Variants in SRPK2 observed in about 807,000 individuals in gnomAD.
SRPK2 encodes SFRS protein kinase 2.
A neutral mutation model predicts 90.8 loss-of-function variants in SRPK2; 21 were observed. The observed-to-expected ratio is 0.23, with a 90% CI of 0.16 to 0.33. The LOEUF (loss-of-function observed/expected upper bound fraction) is 0.33, where lower values mean the gene tolerates loss of function less well. Among genes scored for constraint, SRPK2 ranks in the 10% least tolerant of loss-of-function variants. The pLI is 1.00. For synonymous variants in SRPK2, 288 were observed against 311.1 expected (o/e 0.93, Z 0.78); for missense variants, 620 against 869.0 (o/e 0.71, Z 3.60).
chr7:105,345,091 G>T (rs1016422370), intron 2 of SRPK2, among the ~76,000 whole-genome samples: 1 of 150,426 alleles, frequency 6.6e-6, no homozygotes, highest in African/African-American at 2.4e-5. Context: ...AGCCAAGATC[G>T]CACCATTGCA....
rs150998568 is a variant in SRPK2 at position 105,344,149 on chromosome 7, T to C, written c.71+44499A>G. Among the ~76,000 whole-genome samples the C allele has an allele frequency of 9.0e-3, 1,368 of 152,244 alleles. 11 individuals carry two copies. Among genetic ancestry groups the C allele is most frequent in the Non-Finnish European group, 0.014 (974 of 68,010 alleles). ...TCTGCAAAAAGGAAAATGGTGAACC[T>C]TACAAAACCATAAGGCTTTGTAAGC... On this transcript the variant is annotated intron_variant, in intron 2 of 15. Coordinates refer to ENST00000393651, the MANE Select transcript of SRPK2 (RefSeq NM_182692.3).
At chr7:105,316,297 C>T (rs1812303840) in intron 2 of SRPK2, among the ~76,000 whole-genome samples, 1 of 152,150 alleles carries the variant, frequency 6.6e-6, no homozygotes, top group Non-Finnish European at 1.5e-5. Flanking sequence ...TGCCTTTTAA[C>T]TTGAAGAAAA....
chr7:105,282,177 A>G (rs12537196), intron 2 of SRPK2, among the ~76,000 whole-genome samples: 65,852 of 152,024 alleles, frequency 0.43, 15,676 homozygotes, highest in Non-Finnish European at 0.53. Context: ...TCACATTACA[A>G]TCAAGTGATT....
chr7:105,271,027 T>C (rs1585462578), intron 2 of SRPK2, among the ~76,000 whole-genome samples: 1 of 152,182 alleles, frequency 6.6e-6, no homozygotes, highest in Non-Finnish European at 1.5e-5. Flanking sequence ...TTTTTATCAC[T>C]GTAGTGTTAT....
At chr7:105,166,861 T>C (rs1218387576) in intron 6 of SRPK2, among the ~76,000 whole-genome samples, 1 of 152,214 alleles carries the variant, frequency 6.6e-6, no homozygotes, top group Non-Finnish European at 1.5e-5. Context: ...AGTTGTATCA[T>C]TTTGGAAAAA....
intron 14 of SRPK2, among the ~76,000 whole-genome samples, 180 bp from the exon 15 acceptor site, chr7:105,126,520 G>GTC (rs1244269536): frequency 7.9e-5 from 12 of 152,206 alleles, no homozygotes; most frequent in Admixed American, 7.9e-4. Flanking sequence ...ACCTGGAGCA[G>GTC]TAACAGTGAC....
chr7:105,219,096 C>T (rs1797797408), intron 2 of SRPK2, among the ~76,000 whole-genome samples: 1 of 152,038 alleles, frequency 6.6e-6, no homozygotes, highest in Non-Finnish European at 1.5e-5. Context: ...GGGAGACATT[C>T]TGGGGGATGA....
chr7:105,154,023 T>C (rs1806139882), intron 7 of SRPK2, among the ~76,000 whole-genome samples: 1 of 152,228 alleles, frequency 6.6e-6, no homozygotes, highest in Non-Finnish European at 1.5e-5. Flanking sequence ...TGGAAATACC[T>C]GTTAACAATA....
chr7:105,171,527 CTAGTCT>C (rs1389925795), intron 3 of SRPK2, among the ~76,000 whole-genome samples: 2 of 152,192 alleles, frequency 1.3e-5, no homozygotes, highest in Non-Finnish European at 2.9e-5. Flanking sequence ...TGGCTTGTGC[CTAGTCT>C]TAAGAGCTCT....
chr7:105,324,526 T>C (rs1291463916), intron 2 of SRPK2, among the ~76,000 whole-genome samples: 1 of 152,156 alleles, frequency 6.6e-6, no homozygotes, highest in Admixed American at 6.6e-5. Flanking sequence ...GAATGTGCAA[T>C]ACAAATAAGC....
At chr7:105,315,604 T>C (rs1812220449) in intron 2 of SRPK2, among the ~76,000 whole-genome samples, 1 of 152,216 alleles carries the variant, frequency 6.6e-6, no homozygotes, top group African/African-American at 2.4e-5. Context: ...TTGGCTTTTA[T>C]GCTTCAAATA....
chr7:105,274,470 G>A (rs1806223810), intron 2 of SRPK2, among the ~76,000 whole-genome samples: 1 of 152,038 alleles, frequency 6.6e-6, no homozygotes, highest in Admixed American at 6.6e-5. Flanking sequence ...GCTGAGGCAG[G>A]AGAATCGCTT....
intron 2 of SRPK2, among the ~76,000 whole-genome samples, chr7:105,280,656 A>AGG (rs34617561): frequency 0.046 from 1,199 of 25,792 alleles, 75 homozygotes; most frequent in African/African-American, 0.083. Flanking sequence ...ATTAAAAAAA[A>AGG]GGGGGGGGGG....
chr7:105,243,639 AAAAAAAAAAAAC>A (rs1801144990), intron 2 of SRPK2, among the ~76,000 whole-genome samples: 1 of 150,670 alleles, frequency 6.6e-6, no homozygotes, highest in Admixed American at 6.7e-5. Context: ...TCAAAAAAAA[AAAAAAAAAAAAC>A]CACATGCCAA....
At chr7:105,314,634 T>C (rs554158179) in intron 2 of SRPK2, among the ~76,000 whole-genome samples, 1 of 152,286 alleles carries the variant, frequency 6.6e-6, no homozygotes, top group Admixed American at 6.5e-5. Flanking sequence ...TCTGCCCGCC[T>C]TAGCCTCCCA....
chr7:105,389,497 C>A, upstream of SRPK2: 1 of 973,078 alleles, frequency 1.0e-6, no homozygotes, highest in Non-Finnish European at 1.3e-6. Flanking sequence ...AAGTGCCCTC[C>A]AGGATTGCAT....
At chr7:105,237,839 AT>A (rs1278442281) in intron 2 of SRPK2, among the ~76,000 whole-genome samples, 1 of 152,212 alleles carries the variant, frequency 6.6e-6, no homozygotes, top group Non-Finnish European at 1.5e-5. Flanking sequence ...CTGCTTGGTT[AT>A]AGGTGCATTA....
intron 2 of SRPK2, among the ~76,000 whole-genome samples, chr7:105,294,825 C>G (rs1260396923): frequency 6.6e-6 from 1 of 152,130 alleles, no homozygotes; most frequent in Non-Finnish European, 1.5e-5. Flanking sequence ...CGCACCCAAC[C>G]CTTAGTCATT....
At chr7:105,198,714 T>C (rs1478966969) in intron 3 of SRPK2, among the ~76,000 whole-genome samples, 1 of 152,190 alleles carries the variant, frequency 6.6e-6, no homozygotes, top group African/African-American at 2.4e-5. Context: ...CTTATGAGCC[T>C]CGTATCAGAT....
Sources: gnomAD v4.1 joint callset for allele counts (sites outside exome capture counted in the v4.1 genomes callset) on GRCh38, gnomAD v4.1.1 for gene constraint, MANE v1.5 for transcripts, NCBI Gene and HGNC (gene_info 2026-07-23, HGNC 2026-07-21) for gene names.